The following TBC1D12 variants were observed in gnomAD, a reference collection of about 807,000 sequenced individuals.
TBC1D12 encodes TBC1 domain family, member 12.
In TBC1D12, 56 loss-of-function variants were observed where a neutral mutation model predicts 86.7. The ratio of observed to expected loss-of-function variants is 0.65; its 90% CI spans 0.52 to 0.81. The LOEUF is 0.81. Ranked by LOEUF, TBC1D12 falls within the 30% of genes least tolerant of loss-of-function variation. TBC1D12 has a pLI of 0.00. For missense variants in TBC1D12, 1,023 were observed against 1,038.8 expected (o/e 0.98, Z 0.21); for synonymous variants, 421 against 411.7 (o/e 1.02, Z -0.27).
At chr10:94,441,108 A>C (rs1426648643) in intron 1 of TBC1D12, among the ~76,000 whole-genome samples, 2 of 150,976 alleles carry the variant, frequency 1.3e-5, no homozygotes, top group South Asian at 2.1e-4. Context: ...TCAACCTCCC[A>C]AAGTGCTGGG....
chr10:94,518,910 A>G (rs981765627), intron 9 of TBC1D12, among the ~76,000 whole-genome samples: 6 of 152,110 alleles, frequency 3.9e-5, no homozygotes, highest in African/African-American at 1.4e-4. Flanking sequence ...CCCCGTCACT[A>G]TTAAAAATAC....
chr10:94,409,567 G>C (rs897058578), intron 1 of TBC1D12, among the ~76,000 whole-genome samples: 2 of 151,598 alleles, frequency 1.3e-5, no homozygotes, highest in African/African-American at 4.8e-5. Context: ...ATAGAGACAG[G>C]GTTTTGCCAT....
At chr10:94,532,827 A>G (rs1384803159) in intron 12 of TBC1D12, among the ~76,000 whole-genome samples, 1 of 152,180 alleles carries the variant, frequency 6.6e-6, no homozygotes, top group Non-Finnish European at 1.5e-5. Context: ...TAATTTCAGA[A>G]TAGTTGGCAA....
At chr10:94,452,977 C>T (rs1182937985) in intron 2 of TBC1D12, among the ~76,000 whole-genome samples, 2 of 152,138 alleles carry the variant, frequency 1.3e-5, no homozygotes, top group African/African-American at 2.4e-5. Flanking sequence ...TGGCCATTCT[C>T]ATAGCTGTGT....
chr10:94,436,293 G>A (rs1385536460), intron 1 of TBC1D12, among the ~76,000 whole-genome samples: 2 of 151,708 alleles, frequency 1.3e-5, no homozygotes, highest in African/African-American at 2.4e-5. Context: ...GCGCCACCAC[G>A]CCCAGCTAAT....
intron 3 of TBC1D12, among the ~76,000 whole-genome samples, chr10:94,488,959 T>A (rs1355270892): frequency 1.3e-5 from 2 of 152,166 alleles, no homozygotes; most frequent in African/African-American, 4.8e-5. Flanking sequence ...CAAGCTTCAC[T>A]ACCTGGGATT....
chr10:94,515,865 A>G (rs2056585436), intron 9 of TBC1D12, among the ~76,000 whole-genome samples: 1 of 152,194 alleles, frequency 6.6e-6, no homozygotes, highest in Non-Finnish European at 1.5e-5. Context: ...ACAATACCAC[A>G]ACAGTTGATC....
intron 1 of TBC1D12, among the ~76,000 whole-genome samples, chr10:94,430,042 T>C (rs2055194780): frequency 6.6e-6 from 1 of 152,082 alleles, no homozygotes; most frequent in East Asian, 1.9e-4. Context: ...AGCCGAAAAG[T>C]ATTCTATCCC....
chr10:94,443,486 G>A (rs1175967632), intron 2 of TBC1D12, among the ~76,000 whole-genome samples: 1 of 152,188 alleles, frequency 6.6e-6, no homozygotes, highest in African/African-American at 2.4e-5. Context: ...ATAGTGAATA[G>A]TTTATCTATT....
intron 1 of TBC1D12, among the ~76,000 whole-genome samples, chr10:94,432,743 A>C (rs1029456677): frequency 3.3e-5 from 5 of 150,944 alleles, no homozygotes; most frequent in African/African-American, 4.9e-5. Context: ...TGTCAGGACT[A>C]TAATATATAA....
chr10:94,496,654 G>T (rs1418607163), intron 4 of TBC1D12, among the ~76,000 whole-genome samples: 1 of 151,850 alleles, frequency 6.6e-6, no homozygotes, highest in African/African-American at 2.4e-5. Context: ...TTATTTTTCT[G>T]ACCTTTTATT....
At chr10:94,483,258 T>C (rs544879582) in intron 3 of TBC1D12, among the ~76,000 whole-genome samples, 5 of 152,192 alleles carry the variant, frequency 3.3e-5, no homozygotes, top group African/African-American at 4.8e-5. Flanking sequence ...TCTGATTGCC[T>C]TTCTTTTGGG....
intron 2 of TBC1D12, among the ~76,000 whole-genome samples, chr10:94,461,583 C>A (rs900478212): frequency 1.3e-5 from 2 of 152,144 alleles, no homozygotes; most frequent in African/African-American, 4.8e-5. Flanking sequence ...GCAACTGGGT[C>A]CTCCTGGAGT....
chr10:94,477,752 A>G (rs370905403), intron 3 of TBC1D12, among the ~76,000 whole-genome samples: 3 of 152,300 alleles, frequency 2.0e-5, no homozygotes, highest in East Asian at 3.9e-4. Context: ...AAGAAGATAG[A>G]AATTATTCTA....
intron 1 of TBC1D12, among the ~76,000 whole-genome samples, chr10:94,426,810 T>G (rs1439572666): frequency 1.3e-5 from 2 of 152,150 alleles, no homozygotes; most frequent in Non-Finnish European, 2.9e-5. Flanking sequence ...ACTCCTGACC[T>G]CTTGATCCAC....
At position 94,500,099 on chromosome 10, in the gene TBC1D12, A is replaced by C. The variant is rs1768312744; in HGVS notation, c.1413-122A>C. On this transcript the variant is annotated intron_variant, in intron 5 of 12. Coordinates refer to ENST00000225235, the MANE Select transcript of TBC1D12 (RefSeq NM_015188.2). ...AAGAAAAGAATGCATTACATACTTA[A>C]TTCTCTATAGTCCTAAAAATGATTT... 27 of 845,884 alleles carry C rather than the reference A, an allele frequency of 3.2e-5. No homozygotes were observed. In the South Asian group the frequency reaches 5.0e-4, roughly 16 times the overall value. The allele number at this position is 845,884 out of a possible 1,614,324, so 52.4% of individuals were successfully genotyped here.
chr10:94,428,278 ACTT>A (rs1455109939), intron 1 of TBC1D12, among the ~76,000 whole-genome samples: 1 of 140,644 alleles, frequency 7.1e-6, no homozygotes, highest in Admixed American at 7.0e-5. Flanking sequence ...AATGTTTGGA[ACTT>A]CTTTTTTTTT....
At chr10:94,505,530 A>G (rs538373452) in intron 6 of TBC1D12, among the ~76,000 whole-genome samples, 3 of 152,178 alleles carry the variant, frequency 2.0e-5, no homozygotes, top group African/African-American at 7.2e-5. Context: ...CTGAGGTCAC[A>G]CCACTGCATT....
At chr10:94,430,997 T>C (rs2055208166) in intron 1 of TBC1D12, among the ~76,000 whole-genome samples, 2 of 152,200 alleles carry the variant, frequency 1.3e-5, no homozygotes, top group African/African-American at 4.8e-5. Flanking sequence ...GATGGGCGTG[T>C]ACATGAACAT....
Sources: allele counts gnomAD v4.1 joint callset (sites outside exome capture counted in the v4.1 genomes callset), GRCh38; gene constraint gnomAD v4.1.1; transcripts MANE v1.5; gene names NCBI Gene and HGNC (gene_info 2026-07-23, HGNC 2026-07-21).